Variants in SH2D4A observed in about 807,000 individuals in gnomAD.
The protein encoded by SH2D4A is SH2 domain containing 4A.
SH2D4A carries 70 observed loss-of-function variants against 64.7 expected under a neutral mutation model. That is an observed-to-expected ratio of 1.08 (90% CI 0.89 to 1.32). SH2D4A has a LOEUF of 1.32. SH2D4A is among the 40% of genes most tolerant of loss of function. The probability of loss-of-function intolerance (pLI) is 0.00; values close to 1 mark genes in which losing one functional copy is unlikely to be tolerated. For synonymous variants in SH2D4A, 268 were observed against 200.7 expected, an observed-to-expected ratio of 1.34 and a Z score of -2.83; for missense variants, 706 against 540.1, an observed-to-expected ratio of 1.31 and a Z score of -3.04.
At chr8:19,345,889 C>T (rs2052605842) in intron 4 of SH2D4A, among the ~76,000 whole-genome samples, 1 of 152,214 alleles carries the variant, frequency 6.6e-6, no homozygotes, top group Non-Finnish European at 1.5e-5. Context: ...AGAATTTCTG[C>T]TTCACCCTGA....
rs1554485277 is a variant in SH2D4A at position 19,373,455 on chromosome 8, T to TATATATATACACACACCC, written c.918-66_918-65insCACACACCCATATATATA. The TATATATATACACACACCC allele has an allele frequency of 2.7e-4, 257 of 962,336 alleles. No homozygotes were observed. In the African/African-American group the frequency reaches 3.8e-3, roughly 14 times the overall value. 59.6% of individuals were successfully genotyped at this position (962,336 alleles called of 1,614,324 possible). A position where few individuals can be genotyped will look rare whatever the true frequency, so the allele number is the denominator to read the frequency against. ...ATGTATGTGTGTGTGTATATATATA[T>TATATATATACACACACCC]ATATATATATGACTTTTGAGGGCAT... On this transcript the variant is annotated intron_variant, in intron 7 of 9. Coordinates refer to ENST00000265807, the MANE Select transcript of SH2D4A (RefSeq NM_022071.4).
In SH2D4A at chr8:19,364,020, C is replaced by T. The variant is rs955727001; in HGVS notation, c.707-52C>T. ...TTGTGCAATGAATGCTGAGCCTTCT[C>T]ACCTGCTCTGTGGGCTGATGAGGGT... On this transcript the variant is annotated intron_variant, in intron 6 of 9. Transcript: ENST00000265807. 6 of 1,583,824 alleles carry T rather than the reference C, an allele frequency of 3.8e-6. No homozygotes were observed. In the African/African-American group the frequency reaches 4.0e-5, roughly 11 times the overall value.
intron 7 of SH2D4A, among the ~76,000 whole-genome samples, chr8:19,365,181 G>A (rs924069473): frequency 7.2e-5 from 11 of 152,138 alleles, no homozygotes; most frequent in Non-Finnish European, 1.5e-4. Flanking sequence ...TATCTTCAAG[G>A]TTGTCTTTAA....
chr8:19,330,541 T>C (rs1381667790), intron 2 of SH2D4A, among the ~76,000 whole-genome samples: 1 of 152,216 alleles, frequency 6.6e-6, no homozygotes, highest in Non-Finnish European at 1.5e-5. Flanking sequence ...TCTCTGTGTT[T>C]AGCTTTGAAG....
chr8:19,357,495 T>G (rs1347429838), intron 5 of SH2D4A, among the ~76,000 whole-genome samples: 2 of 152,162 alleles, frequency 1.3e-5, no homozygotes, highest in Non-Finnish European at 2.9e-5. Flanking sequence ...GATGCCAAGT[T>G]GTATTAGCTA....
At position 19,396,174 on chromosome 8, in the gene SH2D4A, A is replaced by G. The variant is rs1037820171; in HGVS notation, c.*1532A>G. On this transcript the variant is annotated 3_prime_UTR_variant, in exon 10 of 10. Coordinates refer to ENST00000265807, the MANE Select transcript of SH2D4A (RefSeq NM_022071.4). ...ACCTCTGGCCTAACTGTGTAGGTCA[A>G]TACTCTTTTACATTGCCTTCTAATA... is the stretch of plus-strand genomic sequence containing the variant. 5 of 152,130 alleles carry G rather than the reference A, an allele frequency of 3.3e-5. No individual in the cohort carries two copies. Among genetic ancestry groups the G allele is most frequent in the East Asian group, 3.9e-4 (2 of 5,176 alleles). 9.4% of individuals were successfully genotyped at this position (152,130 alleles called of 1,614,324 possible).
intron 8 of SH2D4A, among the ~76,000 whole-genome samples, chr8:19,377,086 G>A (rs11992827): frequency 0.017 from 2,651 of 152,232 alleles, 84 homozygotes; most frequent in African/African-American, 0.06. Context: ...TTCTTAAGAA[G>A]TAAAACTTGC....
chr8:19,389,623 A>T (rs746319630), intron 8 of SH2D4A, among the ~76,000 whole-genome samples: 37 of 152,246 alleles, frequency 2.4e-4, no homozygotes, highest in Non-Finnish European at 4.6e-4. Flanking sequence ...GGGCTGCCAG[A>T]GTTCTGCCAG....
chr8:19,377,373 T>C (rs893842746), intron 8 of SH2D4A, among the ~76,000 whole-genome samples: 2 of 152,152 alleles, frequency 1.3e-5, no homozygotes, highest in African/African-American at 4.8e-5. Flanking sequence ...AGAGTAAGAC[T>C]CCATCTCAGA....
At chr8:19,314,003 G>C in intron 1 of SH2D4A, 180 bp downstream of exon 1, 7 of 1,246,686 alleles carry the variant, frequency 5.6e-6, no homozygotes, top group Non-Finnish European at 7.0e-6. Flanking sequence ...TCAGGTGCGG[G>C]GTTGGGCGGC....
intron 7 of SH2D4A, among the ~76,000 whole-genome samples, chr8:19,368,347 CTT>C (rs1053063616): frequency 6.6e-6 from 1 of 152,082 alleles, no homozygotes; most frequent in Non-Finnish European, 1.5e-5. Flanking sequence ...TCGTAGTAGT[CTT>C]TTCTGGTTGC....
intron 2 of SH2D4A, among the ~76,000 whole-genome samples, chr8:19,322,292 C>T (rs1388785261): frequency 2.0e-5 from 3 of 152,194 alleles, no homozygotes; most frequent in Non-Finnish European, 4.4e-5. Context: ...TGTGGGTTGA[C>T]AGGTCACTCG....
In SH2D4A at chr8:19,319,447, G is replaced by A. The variant is rs2052146739; in HGVS notation, c.-101G>A. ...GCCAGGATTGTGAGCTGTTTGGGAA[G>A]TTTCGTGGAAACGCCCAAGTGCCAG... On this transcript the variant is annotated 5_prime_UTR_variant, in exon 2 of 10. Transcript: ENST00000265807. The A allele has an allele frequency of 3.0e-6, 4 of 1,343,232 alleles. No individual in the cohort carries two copies. Among genetic ancestry groups the A allele is most frequent in the African/African-American group, 1.5e-5 (1 of 65,864 alleles). The allele number at this position is 1,343,232 out of a possible 1,614,324, so 83.2% of individuals were successfully genotyped here. A position where few individuals can be genotyped will look rare whatever the true frequency, so the allele number is the denominator to read the frequency against.
intron 8 of SH2D4A, among the ~76,000 whole-genome samples, chr8:19,383,879 T>C (rs556299391): frequency 3.9e-5 from 6 of 152,124 alleles, no homozygotes; most frequent in Non-Finnish European, 8.8e-5. Context: ...TAGGTTTGAG[T>C]TGGATTTTCT....
chr8:19,387,364 A>T (rs576895454), intron 8 of SH2D4A, among the ~76,000 whole-genome samples: 51 of 141,652 alleles, frequency 3.6e-4, no homozygotes, highest in Admixed American at 7.0e-4. Context: ...GGGTCTTGCC[A>T]AGCTGGAAAT....
At chr8:19,374,102 T>C (rs2053156108) in intron 8 of SH2D4A, among the ~76,000 whole-genome samples, 1 of 152,212 alleles carries the variant, frequency 6.6e-6, no homozygotes, top group Non-Finnish European at 1.5e-5. Flanking sequence ...AATTTAAGCC[T>C]CATTTTCCCC....
chr8:19,363,591 T>C (rs1038020929), intron 6 of SH2D4A, among the ~76,000 whole-genome samples: 7 of 152,202 alleles, frequency 4.6e-5, no homozygotes, highest in Non-Finnish European at 8.8e-5. Flanking sequence ...CATTCTGTCC[T>C]GCTCTCTGCT....
chr8:19,339,837 G>C (rs928438263), intron 4 of SH2D4A, among the ~76,000 whole-genome samples: 6 of 152,090 alleles, frequency 3.9e-5, no homozygotes, highest in Non-Finnish European at 8.8e-5. Context: ...TATCGACAGT[G>C]AGGAGAGGAT....
At chr8:19,330,807 T>C (rs925269079) in intron 2 of SH2D4A, among the ~76,000 whole-genome samples, 3 of 152,032 alleles carry the variant, frequency 2.0e-5, no homozygotes, top group African/African-American at 7.3e-5. Context: ...AGGTGAAGGC[T>C]GAGAGGCTGA....
Sources: gnomAD v4.1 joint callset for allele counts (sites outside exome capture counted in the v4.1 genomes callset) on GRCh38, gnomAD v4.1.1 for gene constraint, MANE v1.5 for transcripts, NCBI Gene and HGNC (gene_info 2026-07-23, HGNC 2026-07-21) for gene names.